Variants in GTF3C5 observed in about 807,000 individuals in gnomAD.
GTF3C5 encodes the protein general transcription factor IIIC subunit 5, also known as general transcription factor 3C polypeptide 5.
A neutral mutation model predicts 61.0 loss-of-function variants in GTF3C5; 47 were observed. The ratio of observed to expected loss-of-function variants is 0.77; its 90% CI spans 0.61 to 0.98. The LOEUF (loss-of-function observed/expected upper bound fraction) is 0.98. Among genes scored for constraint, GTF3C5 ranks in the 50% least tolerant of loss-of-function variants. The pLI is 0.00. For synonymous variants in GTF3C5, 295 were observed against 275.4 expected, an observed-to-expected ratio of 1.07 and a Z score of -0.71; for missense variants, 659 against 703.3, an observed-to-expected ratio of 0.94 and a Z score of 0.71.
intron 1 of GTF3C5, among the ~76,000 whole-genome samples, chr9:133,040,075 C>T (rs918329331): frequency 6.6e-5 from 10 of 152,202 alleles, no homozygotes; most frequent in Non-Finnish European, 1.3e-4. Context: ...TCCTTACTCT[C>T]GCTAACCTCA....
chr9:133,036,154 G>C (rs943723180), intron 1 of GTF3C5, among the ~76,000 whole-genome samples: 1 of 152,166 alleles, frequency 6.6e-6, no homozygotes, highest in East Asian at 1.9e-4. Flanking sequence ...TGCCCTGTTT[G>C]AAAGGGGTCT....
rs1850360395 is a variant in GTF3C5, at chr9:133,051,115, C to G, written c.768+137C>G. ...CCCATTCCTTAGTGCATGGGAACTT[C>G]TCACCTTCAGATGCCATGTCTAAAG... On this transcript the variant is annotated intron_variant, in intron 4 of 10. Coordinates refer to ENST00000372097, the MANE Select transcript of GTF3C5 (RefSeq NM_012087.4). 5.0e-6 allele frequency: 3 copies of G among 600,486 alleles called. No homozygotes were observed. The South Asian group carries it at 6.8e-5, about 14-fold the overall frequency. 37.2% of individuals were successfully genotyped at this position (600,486 alleles called of 1,614,324 possible).
chr9:133,042,850 C>T (rs1850079205), intron 2 of GTF3C5, among the ~76,000 whole-genome samples: 2 of 152,202 alleles, frequency 1.3e-5, no homozygotes, highest in Admixed American at 1.3e-4. Context: ...TGAGCCCTGC[C>T]AGTTTCTTTG....
chr9:133,046,625 G>A (rs938352245), intron 3 of GTF3C5, among the ~76,000 whole-genome samples: 3 of 152,172 alleles, frequency 2.0e-5, no homozygotes, highest in Non-Finnish European at 4.4e-5. Context: ...TGGTGTCCAC[G>A]GACAGCACAG....
At chr9:133,055,834 G>A in intron 8 of GTF3C5, 178 bp from the exon 9 acceptor site, 1 of 1,413,624 alleles carries the variant, frequency 7.1e-7, no homozygotes, top group Non-Finnish European at 9.2e-7. Flanking sequence ...CTCCTGGGGA[G>A]TTGGACATTG....
chr9:133,052,554 A>G (rs867601910), intron 5 of GTF3C5, among the ~76,000 whole-genome samples: 16 of 152,144 alleles, frequency 1.1e-4, no homozygotes, highest in Admixed American at 2.6e-4. Flanking sequence ...GTCGTCCTCT[A>G]CCTGTGTTGA....
intron 4 of GTF3C5, 83 bp downstream of exon 4, chr9:133,051,061 G>T: frequency 2.7e-6 from 3 of 1,119,870 alleles, no homozygotes; most frequent in Non-Finnish European, 3.8e-6. Context: ...CCCTGTTCCT[G>T]GCTGTGGGGT....
chr9:133,037,991 G>A (rs1216162944), intron 1 of GTF3C5, among the ~76,000 whole-genome samples: 1 of 152,182 alleles, frequency 6.6e-6, no homozygotes, highest in Non-Finnish European at 1.5e-5. Context: ...CCACTGGCTG[G>A]AGTTGGACCG....
intron 8 of GTF3C5, 183 bp downstream of exon 8, chr9:133,054,992 G>C: frequency 6.4e-7 from 1 of 1,551,748 alleles, no homozygotes; most frequent in Non-Finnish European, 8.7e-7. Flanking sequence ...AAGCCCCAGG[G>C]CTGTGTGTGT....
intron 1 of GTF3C5, among the ~76,000 whole-genome samples, chr9:133,037,718 G>T (rs1849909001): frequency 6.6e-6 from 1 of 152,112 alleles, no homozygotes; most frequent in Non-Finnish European, 1.5e-5. Context: ...GAAATTTAAC[G>T]TGGGCTGTTC....
chr9:133,048,530 G>T (rs746817178), intron 3 of GTF3C5, among the ~76,000 whole-genome samples: 1 of 152,192 alleles, frequency 6.6e-6, no homozygotes, highest in African/African-American at 2.4e-5. Flanking sequence ...TTAGCCGGGC[G>T]TGGTGGCGCA....
rs1257150058 is a variant in GTF3C5, at chr9:133,056,830, T to C, written c.1315T>C (p.Cys439Arg). Residue 439 changes from cysteine to arginine, a missense_variant, in exon 10 of 11, where the codon TGC becomes CGC. Coordinates refer to ENST00000372097, the MANE Select transcript of GTF3C5 (RefSeq NM_012087.4). ...ENSCTERDGW[C>R]LPKTSDELRD... Reference sequence around the variant, plus strand: ...TTCCTGCACAGAACGGGATGGGTGGTGCCTCCCCAAGACCAGCGACGAGCT... The same window carrying C: ...TTCCTGCACAGAACGGGATGGGTGGCGCCTCCCCAAGACCAGCGACGAGCT... 2 of 1,611,820 alleles carry C rather than the reference T, an allele frequency of 1.2e-6. No individual in the cohort carries two copies. The highest frequency in any genetic ancestry group is 4.5e-5 in the East Asian group (2 of 44,658).
intron 3 of GTF3C5, among the ~76,000 whole-genome samples, chr9:133,046,367 A>T (rs1315649891): frequency 6.6e-6 from 1 of 151,992 alleles, no homozygotes; most frequent in Non-Finnish European, 1.5e-5. Flanking sequence ...AAAAGAGCGG[A>T]CTCTGTGGAC....
intron 3 of GTF3C5, among the ~76,000 whole-genome samples, chr9:133,046,639 C>T (rs1012762110): frequency 1.3e-5 from 2 of 152,168 alleles, no homozygotes; most frequent in Non-Finnish European, 2.9e-5. Flanking sequence ...AGCACAGCAG[C>T]TGGGGTGCAG....
intron 1 of GTF3C5, among the ~76,000 whole-genome samples, chr9:133,036,476 G>C (rs1361258429): frequency 6.6e-6 from 1 of 152,138 alleles, no homozygotes; most frequent in East Asian, 1.9e-4. Context: ...ACAGGTTACT[G>C]GATCTAAAAC....
In GTF3C5 at chr9:133,050,734, C is replaced by T. The variant is rs755438071; in HGVS notation, c.573-49C>T. The T allele has an allele frequency of 5.6e-6, 8 of 1,436,380 alleles. No individual in the cohort carries two copies. The East Asian group carries it at 1.7e-4, about 30-fold the overall frequency. The allele number at this position is 1,436,380 out of a possible 1,614,324, so 89.0% of individuals were successfully genotyped here. A position where few individuals can be genotyped will look rare whatever the true frequency, so the allele number is the denominator to read the frequency against. Reference sequence around the variant, plus strand: ...CTGCCTGGTCTGGCCCAGCGGGTGCCTGGGATGGCCTTGGTGCTCCTGTTC... The same window carrying T: ...CTGCCTGGTCTGGCCCAGCGGGTGCTTGGGATGGCCTTGGTGCTCCTGTTC... On this transcript the variant is annotated intron_variant, in intron 3 of 10. Coordinates refer to ENST00000372097, the MANE Select transcript of GTF3C5 (RefSeq NM_012087.4).
intron 3 of GTF3C5, among the ~76,000 whole-genome samples, chr9:133,046,796 G>A (rs1850220856): frequency 6.6e-6 from 1 of 152,188 alleles, no homozygotes; most frequent in African/African-American, 2.4e-5. Context: ...ATCTGGAGCT[G>A]AGACAGAGCC....
chr9:133,047,437 A>T (rs760455474), intron 3 of GTF3C5, among the ~76,000 whole-genome samples: 30 of 152,230 alleles, frequency 2.0e-4, no homozygotes, highest in Non-Finnish European at 2.1e-4. Flanking sequence ...TCCCTGCAGA[A>T]AACTGTTGCA....
Position 133,043,934 on chromosome 9 carries a change from C to T in GTF3C5, c.572+8C>T. The T allele has an allele frequency of 6.2e-7, 1 of 1,605,616 alleles. No individual in the cohort carries two copies. Among genetic ancestry groups the T allele is most frequent in the African/African-American group, 1.3e-5 (1 of 74,810 alleles). Reference sequence around the variant, plus strand: ...ACCAGAGACCCAGCACCGGTAAGGCCCCCCTCCATGCAGCCTCGGTTCTCT... The same window carrying T: ...ACCAGAGACCCAGCACCGGTAAGGCTCCCCTCCATGCAGCCTCGGTTCTCT... On this transcript the variant is annotated splice_region_variant and intron_variant, in intron 3 of 10. Transcript: ENST00000372097.
Sources: gnomAD v4.1 joint callset for allele counts (sites outside exome capture counted in the v4.1 genomes callset) on GRCh38, gnomAD v4.1.1 for gene constraint, MANE v1.5 for transcripts, NCBI Gene and HGNC (gene_info 2026-07-23, HGNC 2026-07-21) for gene names.